The following AMPH variants were observed in gnomAD, a reference collection of about 807,000 sequenced individuals.
AMPH encodes amphiphysin (Stiff-Mann syndrome with breast cancer 128kD autoantigen).
In AMPH, 49 loss-of-function variants were observed where a neutral mutation model predicts 99.1. The observed-to-expected ratio is 0.49, with a 90% CI of 0.39 to 0.63. AMPH has a LOEUF of 0.63. Ranked by LOEUF, AMPH falls within the 20% of genes least tolerant of loss-of-function variation. AMPH has a pLI of 0.00. For missense variants in AMPH, 759 were observed against 863.4 expected, an observed-to-expected ratio of 0.88 and a Z score of 1.52; for synonymous variants, 314 against 317.3, an observed-to-expected ratio of 0.99 and a Z score of 0.11.
At chr7:38,583,920 T>C (rs970849656) in intron 1 of AMPH, among the ~76,000 whole-genome samples, 5 of 152,158 alleles carry the variant, frequency 3.3e-5, no homozygotes, top group Admixed American at 3.3e-4. Context: ...CATTGACACA[T>C]CTCTGAACTT....
At chr7:38,537,066 C>G (rs79361518) in intron 1 of AMPH, among the ~76,000 whole-genome samples, 2,928 of 152,056 alleles carry the variant, frequency 0.019, 114 homozygotes, top group East Asian at 0.14. Flanking sequence ...CATAAATACG[C>G]AAGAGTTTAA....
At chr7:38,573,381 A>T (rs111912349) in intron 1 of AMPH, among the ~76,000 whole-genome samples, 1 of 152,324 alleles carries the variant, frequency 6.6e-6, no homozygotes, top group South Asian at 2.1e-4. Flanking sequence ...ACATGTATGT[A>T]TACACATACA....
rs142216656 is a variant in AMPH at position 38,591,949 on chromosome 7, G to A, written c.69+39334C>T. The stretch of plus-strand genomic sequence containing the variant: ...ACACACACACAGAAATATAGCATGT[G>A]GAATGGGAAATCAGGGGACTCACAG... On this transcript the variant is annotated intron_variant, in intron 1 of 20. Transcript: ENST00000356264. 3.6e-3 allele frequency among the ~76,000 whole-genome samples: 551 copies of A among 152,334 alleles called. 2 individuals are homozygous for A. Among genetic ancestry groups the A allele is most frequent in the Non-Finnish European group, 5.5e-3 (376 of 68,034 alleles).
At chr7:38,527,793 G>A (rs183968854) in intron 2 of AMPH, among the ~76,000 whole-genome samples, 1 of 152,316 alleles carries the variant, frequency 6.6e-6, no homozygotes, top group East Asian at 1.9e-4. Flanking sequence ...GCATTAGCGA[G>A]AATGGACATC....
intron 1 of AMPH, among the ~76,000 whole-genome samples, chr7:38,625,315 C>T (rs961619149): frequency 6.6e-6 from 1 of 151,944 alleles, no homozygotes; most frequent in African/African-American, 2.4e-5. Flanking sequence ...TATTGAACCT[C>T]GAACAATAAT....
chr7:38,443,939 T>A (rs1463855133), intron 11 of AMPH, among the ~76,000 whole-genome samples: 1 of 148,962 alleles, frequency 6.7e-6, no homozygotes, highest in Non-Finnish European at 1.5e-5. Flanking sequence ...TATAGAAAAA[T>A]CCAATAAAAT....
chr7:38,544,422 C>G (rs1790920927), intron 1 of AMPH, among the ~76,000 whole-genome samples: 1 of 152,172 alleles, frequency 6.6e-6, no homozygotes, highest in Non-Finnish European at 1.5e-5. Flanking sequence ...CACAAATGAC[C>G]ATGGCCTTTC....
At chr7:38,485,207 G>A (rs1788441352) in intron 5 of AMPH, among the ~76,000 whole-genome samples, 1 of 151,810 alleles carries the variant, frequency 6.6e-6, no homozygotes, top group Admixed American at 6.6e-5. Context: ...AATAAAAAAA[G>A]ATCCAACTAT....
chr7:38,608,341 A>G (rs897321309), intron 1 of AMPH, among the ~76,000 whole-genome samples: 4 of 152,142 alleles, frequency 2.6e-5, no homozygotes, highest in African/African-American at 7.2e-5. Flanking sequence ...TGGTGTCCTC[A>G]TGGGTAAAAC....
chr7:38,404,760 T>G (rs1185937140), intron 17 of AMPH, among the ~76,000 whole-genome samples: 1 of 151,794 alleles, frequency 6.6e-6, no homozygotes, highest in Non-Finnish European at 1.5e-5. Context: ...TTCAAAGGAG[T>G]GCAGTATGTT....
At position 38,528,799 on chromosome 7, in the gene AMPH, G is replaced by T. The variant is rs140793227; in HGVS notation, c.150+6132C>A. Among the ~76,000 whole-genome samples, 1,278 of 151,496 alleles carry T rather than the reference G, an allele frequency of 8.4e-3. 18 individuals carry two copies. Among genetic ancestry groups the T allele is most frequent in the African/African-American group, 0.027 (1,121 of 41,260 alleles). Reference sequence around the variant, plus strand: ...TTTCTTCTCTTTCAAGTTTCTTGAGGTAGGAAATTAGATTATTGATTTAAG... The same window carrying T: ...TTTCTTCTCTTTCAAGTTTCTTGAGTTAGGAAATTAGATTATTGATTTAAG... On this transcript the variant is annotated intron_variant, in intron 2 of 20. Coordinates refer to ENST00000356264, the MANE Select transcript of AMPH (RefSeq NM_001635.4).
At chr7:38,508,291 C>T (rs963028973) in intron 2 of AMPH, among the ~76,000 whole-genome samples, 1 of 152,100 alleles carries the variant, frequency 6.6e-6, no homozygotes, top group South Asian at 2.1e-4. Context: ...AAAAAACAAA[C>T]CCTGTGGATT....
At chr7:38,565,802 C>G (rs1446129559) in intron 1 of AMPH, among the ~76,000 whole-genome samples, 1 of 152,176 alleles carries the variant, frequency 6.6e-6, no homozygotes, top group Non-Finnish European at 1.5e-5. Flanking sequence ...CCTCCTTCAA[C>G]CCATCCCTCT....
chr7:38,516,352 C>G (rs1176529138), intron 2 of AMPH, among the ~76,000 whole-genome samples: 2 of 152,220 alleles, frequency 1.3e-5, no homozygotes, highest in Non-Finnish European at 2.9e-5. Context: ...GCATCCCAGC[C>G]ACTCCAGCTC....
chr7:38,445,253 C>G (rs1456247882), intron 11 of AMPH, among the ~76,000 whole-genome samples: 1 of 151,466 alleles, frequency 6.6e-6, no homozygotes, highest in African/African-American at 2.4e-5. Flanking sequence ...CACTTTGTAC[C>G]ACATAAAAAA....
rs143178407 is a variant in AMPH at position 38,521,177 on chromosome 7, A to G, written c.150+13754T>C. Among the ~76,000 whole-genome samples the G allele has an allele frequency of 2.3e-4, 35 of 152,242 alleles. No homozygotes were observed. In the East Asian group the frequency reaches 5.8e-3, roughly 25 times the overall value. On this transcript the variant is annotated intron_variant, in intron 2 of 20. Coordinates refer to ENST00000356264, the MANE Select transcript of AMPH (RefSeq NM_001635.4). ...TGTAAATATATATTCTTAAGAGGGT[A>G]TCTTAAGGAAACTACCCCAGACAAG... is the stretch of plus-strand genomic sequence containing the variant.
rs546086486 is a variant in AMPH, at chr7:38,514,625, T to C, written c.151-10921A>G. Among the ~76,000 whole-genome samples, 30 of 152,326 alleles carry C rather than the reference T, an allele frequency of 2.0e-4. No homozygotes were observed. In the South Asian group the frequency reaches 5.8e-3, roughly 29 times the overall value. On this transcript the variant is annotated intron_variant, in intron 2 of 20. Transcript: ENST00000356264. ...TATCATGTGAGTGGCCTAGTTATCA[T>C]GGGAGTGGGCTCCTGGTATTAAAGA...
At chr7:38,462,649 T>G (rs1787493124) in intron 10 of AMPH, among the ~76,000 whole-genome samples, 1 of 152,170 alleles carries the variant, frequency 6.6e-6, no homozygotes, top group Non-Finnish European at 1.5e-5. Context: ...GAAGGTTTCA[T>G]GCAGAGGTAG....
At chr7:38,594,657 C>T (rs189421589) in intron 1 of AMPH, among the ~76,000 whole-genome samples, 257 of 152,176 alleles carry the variant, frequency 1.7e-3, no homozygotes, top group African/African-American at 6.0e-3. Context: ...AGTATTACCA[C>T]ATTTTCATAT....
Sources: allele counts gnomAD v4.1 joint callset (sites outside exome capture counted in the v4.1 genomes callset), GRCh38; gene constraint gnomAD v4.1.1; transcripts MANE v1.5; gene names NCBI Gene and HGNC (gene_info 2026-07-23, HGNC 2026-07-21).